Variants in SLC43A1 observed in about 807,000 individuals in gnomAD.
SLC43A1 encodes large neutral amino acids transporter small subunit 3.
A neutral mutation model predicts 59.5 loss-of-function variants in SLC43A1; 31 were observed. That is an observed-to-expected ratio of 0.52 (90% CI 0.39 to 0.70). The LOEUF (loss-of-function observed/expected upper bound fraction) is 0.70, where lower values mean the gene tolerates loss of function less well. Ranked by LOEUF, SLC43A1 falls within the 30% of genes least tolerant of loss-of-function variation. SLC43A1 has a pLI of 0.00. For missense variants in SLC43A1, 598 were observed against 717.8 expected, an observed-to-expected ratio of 0.83 and a Z score of 1.91; for synonymous variants, 259 against 290.9, an observed-to-expected ratio of 0.89 and a Z score of 1.12.
At chr11:57,503,076 TA>T (rs2135200035) in intron 2 of SLC43A1, among the ~76,000 whole-genome samples, 1 of 151,908 alleles carries the variant, frequency 6.6e-6, no homozygotes, top group East Asian at 1.9e-4. Flanking sequence ...TGTGTTGACA[TA>T]AGGAAGAACA....
chr11:57,494,849 C>CTT (rs34199356), intron 7 of SLC43A1, among the ~76,000 whole-genome samples: 5 of 143,142 alleles, frequency 3.5e-5, no homozygotes, highest in Non-Finnish European at 4.6e-5. Context: ...TTTGTCATTA[C>CTT]TTTTTTTTTT....
intron 2 of SLC43A1, among the ~76,000 whole-genome samples, chr11:57,501,596 A>G (rs1190910476): frequency 1.3e-5 from 2 of 152,238 alleles, no homozygotes; most frequent in Non-Finnish European, 2.9e-5. Context: ...AAGTTGTAAT[A>G]TGCACTCAGT....
Position 57,514,273 on chromosome 11 carries a change from C to T in SLC43A1, c.-13-149G>A. ...GAGCCCTGGGCTTCCCAGCCGGTGC[C>T]AAGGAGCTGGCTCCGCGCGCACTAG... On this transcript the variant is annotated intron_variant, in intron 1 of 14. Coordinates refer to ENST00000278426, the MANE Select transcript of SLC43A1 (RefSeq NM_003627.6). This position sits in a 1 kb window ranked among gnomAD's most constrained non-coding sequence, Gnocchi z 5.5. 1.1e-6 allele frequency: 1 copy of T among 945,526 alleles called. No homozygotes were observed. 58.6% of individuals were successfully genotyped at this position (945,526 alleles called of 1,614,324 possible).
chr11:57,511,849 T>A (rs909111090), intron 2 of SLC43A1, among the ~76,000 whole-genome samples: 1 of 152,162 alleles, frequency 6.6e-6, no homozygotes, highest in Non-Finnish European at 1.5e-5. Flanking sequence ...TAAATCTAAC[T>A]TTTATCACAG....
intron 2 of SLC43A1, 76 bp from the exon 3 acceptor site, chr11:57,501,405 G>A: frequency 1.3e-6 from 2 of 1,508,112 alleles, no homozygotes; most frequent in Non-Finnish European, 1.8e-6. Context: ...CCCACAGTCA[G>A]GCGGCCTGCT....
chr11:57,514,528 G>A lies in SLC43A1; in HGVS notation c.-13-404C>T, dbSNP rs1590789783. On this transcript the variant is annotated intron_variant, in intron 1 of 14. Transcript: ENST00000278426. This position sits in a 1 kb window ranked among gnomAD's most constrained non-coding sequence, Gnocchi z 5.5. ...ACCGCGGGCCCATGTCCGGACTCTC[G>A]CGCCAGGAAAGACCCCTAGAAGCTG... The A allele has an allele frequency of 1.1e-5, 2 of 175,674 alleles. No homozygotes were observed. Among genetic ancestry groups the A allele is most frequent in the African/African-American group, 4.8e-5 (2 of 41,816 alleles). 10.9% of individuals were successfully genotyped at this position (175,674 alleles called of 1,614,324 possible).
Position 57,489,344 on chromosome 11 carries a change from T to C in SLC43A1, c.1242A>G (p.Gln414=), listed in dbSNP as rs1349125418. The C allele has an allele frequency of 6.2e-7, 1 of 1,614,162 alleles. No homozygotes were observed. Among genetic ancestry groups the C allele is most frequent in the South Asian group, 1.1e-5 (1 of 91,086 alleles). ...KSIRPRYCKI[Q]KLTNAISAFT... is the part of the protein sequence containing the mutation. ...AGGCACTGATGGCATTGGTGAGCTT[T>C]TGGATCTTGCAGTAGCGTGGTCTGA... is the stretch of plus-strand genomic sequence containing the variant. The change falls in exon 12 of 15, where the codon CAA becomes CAG. Residue 414 remains glutamine (Q), a synonymous_variant. Transcript: ENST00000278426.
chr11:57,503,922 G>A (rs1202056031), intron 2 of SLC43A1, among the ~76,000 whole-genome samples: 3 of 152,076 alleles, frequency 2.0e-5, no homozygotes, highest in Non-Finnish European at 4.4e-5. Flanking sequence ...GGCCAGGTGC[G>A]GTGGCTCAAG....
chr11:57,495,951 A>T, intron 7 of SLC43A1, 80 bp downstream of exon 7: 2 of 1,516,080 alleles, frequency 1.3e-6, no homozygotes, highest in Non-Finnish European at 1.8e-6. Context: ...GTCTCTCTGA[A>T]TCCAAAGTTA....
At position 57,501,231 on chromosome 11, in the gene SLC43A1, A is replaced by G. The variant is rs1201220050; in HGVS notation, c.253T>C (p.Phe85Leu). The change falls in exon 3 of 15, where the codon TTC becomes CTC. Residue 85 changes from phenylalanine to leucine, a missense_variant. Transcript: ENST00000278426. ...MLNLGFTIGSFVLSATTLPLG... is the reference protein window; with the variant it reads ...MLNLGFTIGSLVLSATTLPLG... ...GGCAGGGTGGTGGCGCTGAGCACGAAGGAACCAATGGTGAAGCCCAGGTTG... is the reference window on the plus strand; with the variant it reads ...GGCAGGGTGGTGGCGCTGAGCACGAGGGAACCAATGGTGAAGCCCAGGTTG... 1 of 1,612,612 alleles carries G rather than the reference A, an allele frequency of 6.2e-7. No homozygotes were observed. Among genetic ancestry groups the G allele is most frequent in the Admixed American group, 1.7e-5 (1 of 60,026 alleles).
At chr11:57,513,526 A>C (rs1259678479) in intron 2 of SLC43A1, among the ~76,000 whole-genome samples, 1 of 152,204 alleles carries the variant, frequency 6.6e-6, no homozygotes, top group African/African-American at 2.4e-5. Context: ...ACTTTGTCCA[A>C]ATGAGTAATT....
rs77147988 is a variant in SLC43A1, at chr11:57,504,333, T to C, written c.155-3004A>G. On this transcript the variant is annotated intron_variant, in intron 2 of 14. Coordinates refer to ENST00000278426, the MANE Select transcript of SLC43A1 (RefSeq NM_003627.6). ...CTCTCTTTTAATTCCCAGACATTGC[T>C]ATTCTACACCTGCCCTGCTTTACCC... 3.3e-4 allele frequency among the ~76,000 whole-genome samples: 51 copies of C among 152,352 alleles called. No homozygotes were observed. In the East Asian group the frequency reaches 7.5e-3, roughly 22 times the overall value.
Position 57,501,200 on chromosome 11 carries a change from C to T in SLC43A1, c.284G>A (p.Gly95Glu). 1.2e-6 allele frequency: 2 copies of T among 1,612,458 alleles called. No homozygotes were observed. Among genetic ancestry groups the T allele is most frequent in the Non-Finnish European group, 1.7e-6 (2 of 1,180,022 alleles). Reference protein sequence around the residue: ...FVLSATTLPLGILMDRFGPRP... With the variant: ...FVLSATTLPLEILMDRFGPRP... The stretch of plus-strand genomic sequence containing the variant: ...GGGGCCAAAGCGGTCCATGAGGATC[C>T]CCAGTGGCAGGGTGGTGGCGCTGAG... Residue 95 changes from glycine (G) to glutamate (E), a missense_variant, in exon 3 of 15, where the codon GGG (glycine) becomes GAG (glutamate). By Grantham distance (98) the Gly-to-Glu change is moderately conservative. Coordinates refer to ENST00000278426, the MANE Select transcript of SLC43A1 (RefSeq NM_003627.6).
In SLC43A1 at chr11:57,501,229, G is replaced by C; in HGVS notation, c.255C>G (p.Phe85Leu). 1 of 1,612,476 alleles carries C rather than the reference G, an allele frequency of 6.2e-7. No homozygotes were observed. Among genetic ancestry groups the C allele is most frequent in the Non-Finnish European group, 8.5e-7 (1 of 1,180,032 alleles). ...GTGGCAGGGTGGTGGCGCTGAGCAC[G>C]AAGGAACCAATGGTGAAGCCCAGGT... is the stretch of plus-strand genomic sequence containing the variant. ...MLNLGFTIGS[F>L]VLSATTLPLG... The change falls in exon 3 of 15, where the codon TTC becomes TTG. Residue 85 changes from phenylalanine (F) to leucine (L), a missense_variant. Transcript: ENST00000278426.
At chr11:57,491,186 G>T in intron 11 of SLC43A1, 38 bp downstream of exon 11, 1 of 1,494,576 alleles carries the variant, frequency 6.7e-7, no homozygotes, top group South Asian at 1.4e-5. Context: ...AGCACTGCCT[G>T]ACCACTTGCT....
At chr11:57,501,834 T>C (rs1465572515) in intron 2 of SLC43A1, among the ~76,000 whole-genome samples, 1 of 152,152 alleles carries the variant, frequency 6.6e-6, no homozygotes, top group African/African-American at 2.4e-5. Flanking sequence ...ACCCCATCTC[T>C]AAATAAAAAA....
At position 57,497,656 on chromosome 11, in the gene SLC43A1, G is replaced by T. The variant is rs546266343; in HGVS notation, c.558+97C>A. 8.8e-6 allele frequency: 7 copies of T among 793,326 alleles called. No individual in the cohort carries two copies. The Admixed American group carries it at 1.4e-4, about 16-fold the overall frequency. 49.1% of individuals were successfully genotyped at this position (793,326 alleles called of 1,614,324 possible). A position where few individuals can be genotyped will look rare whatever the true frequency, so the allele number is the denominator to read the frequency against. On this transcript the variant is annotated intron_variant, in intron 6 of 14. Coordinates refer to ENST00000278426, the MANE Select transcript of SLC43A1 (RefSeq NM_003627.6). ...GGGATGATGACAGAGAAAGGAGAGC[G>T]GAGAAGTCAGACCCGTGGGTCAGCA...
intron 2 of SLC43A1, among the ~76,000 whole-genome samples, chr11:57,511,312 C>T (rs1342125268): frequency 6.6e-6 from 1 of 151,854 alleles, no homozygotes; most frequent in Non-Finnish European, 1.5e-5. Context: ...CCTGTAGTCC[C>T]AACTATTCTG....
At position 57,488,931 on chromosome 11, in the gene SLC43A1, C is replaced by A; in HGVS notation, c.1394G>T (p.Ser465Ile). 1.2e-6 allele frequency: 2 copies of A among 1,614,062 alleles called. No individual in the cohort carries two copies. The highest frequency in any genetic ancestry group is 2.2e-5 in the South Asian group (2 of 91,082). The change falls in exon 13 of 15, where the codon AGT becomes ATT. Residue 465 changes from serine (S) to isoleucine (I), a missense_variant. Coordinates refer to ENST00000278426, the MANE Select transcript of SLC43A1 (RefSeq NM_003627.6). Reference sequence around the variant, plus strand: ...ACAGACTCACACTGCAGCATAGAGACTCCCACAGGCTGAGTGGAAGAAACC... The same window carrying A: ...ACAGACTCACACTGCAGCATAGAGAATCCCACAGGCTGAGTGGAAGAAACC... ...VRGFFHSACG[S>I]LYAAVFPSNH... is the part of the protein sequence containing the mutation.
Sources: allele counts gnomAD v4.1 joint callset (sites outside exome capture counted in the v4.1 genomes callset), GRCh38; gene constraint gnomAD v4.1.1; non-coding constraint Gnocchi (gnomAD v3.1); transcripts MANE v1.5; gene names NCBI Gene and HGNC (gene_info 2026-07-23, HGNC 2026-07-21).